The following PPP1R16B variants were observed in gnomAD, a reference collection of about 807,000 sequenced individuals.
PPP1R16B encodes protein phosphatase 1 regulatory subunit 16B.
Under a neutral mutation model 61.7 loss-of-function variants are expected in PPP1R16B, and 14 were observed. That is an observed-to-expected ratio of 0.23 (90% CI 0.15 to 0.35). The LOEUF (loss-of-function observed/expected upper bound fraction) is 0.35, where lower values mean the gene tolerates loss of function less well. Ranked by LOEUF, PPP1R16B falls within the 10% of genes least tolerant of loss-of-function variation. The pLI, the probability that PPP1R16B is intolerant of heterozygous loss-of-function variation, is 1.00. For missense variants in PPP1R16B, 547 were observed against 752.5 expected, an observed-to-expected ratio of 0.73 and a Z score of 3.19; for synonymous variants, 266 against 305.3, an observed-to-expected ratio of 0.87 and a Z score of 1.34.
intron 10 of PPP1R16B, among the ~76,000 whole-genome samples, chr20:38,908,558 A>G (rs892867347): frequency 6.6e-6 from 1 of 152,248 alleles, no homozygotes; most frequent in Admixed American, 6.5e-5. Flanking sequence ...GCAGTCACCC[A>G]GGAGCTGAGG....
Position 38,857,674 on chromosome 20 carries a change from T to C in PPP1R16B, c.250+21499T>C, listed in dbSNP as rs150936580. Among the ~76,000 whole-genome samples the C allele has an allele frequency of 5.9e-5, 9 of 152,340 alleles. No homozygotes were observed. The East Asian group carries it at 1.7e-3, about 29-fold the overall frequency. On this transcript the variant is annotated intron_variant, in intron 2 of 10. Coordinates refer to ENST00000299824, the MANE Select transcript of PPP1R16B (RefSeq NM_015568.4). Reference sequence around the variant, plus strand: ...TATATTTAAAGCCCACACAACTCCGTAGATTTCTTAAAGCTCCATTTTTGG... The same window carrying C: ...TATATTTAAAGCCCACACAACTCCGCAGATTTCTTAAAGCTCCATTTTTGG...
intron 1 of PPP1R16B, among the ~76,000 whole-genome samples, chr20:38,807,129 C>T (rs977069462): frequency 2.0e-5 from 3 of 152,214 alleles, no homozygotes; most frequent in Non-Finnish European, 2.9e-5. Context: ...CTGCCGATGG[C>T]GGCCTCAGTC....
chr20:38,844,003 A>T (rs2084923330), intron 2 of PPP1R16B, among the ~76,000 whole-genome samples: 1 of 152,244 alleles, frequency 6.6e-6, no homozygotes, highest in Non-Finnish European at 1.5e-5. Flanking sequence ...TCTAAACTCA[A>T]CAAGTAGTAG....
At chr20:38,901,368 T>A (rs1278258336) in intron 5 of PPP1R16B, among the ~76,000 whole-genome samples, 1 of 152,208 alleles carries the variant, frequency 6.6e-6, no homozygotes, top group Non-Finnish European at 1.5e-5. Flanking sequence ...TTCTTAACCA[T>A]TTTTGTGCCA....
At chr20:38,883,540 C>T (rs550323668) in intron 2 of PPP1R16B, among the ~76,000 whole-genome samples, 3 of 152,302 alleles carry the variant, frequency 2.0e-5, no homozygotes, top group South Asian at 2.1e-4. Context: ...AGCAGGGATA[C>T]GTGAGTGAGG....
chr20:38,816,755 T>C (rs2084738312), intron 1 of PPP1R16B, among the ~76,000 whole-genome samples: 1 of 152,152 alleles, frequency 6.6e-6, no homozygotes, highest in African/African-American at 2.4e-5. Flanking sequence ...AGCAGCGATA[T>C]ATAGAGCCAA....
chr20:38,834,033 T>G (rs2084853842), intron 1 of PPP1R16B, among the ~76,000 whole-genome samples: 1 of 152,218 alleles, frequency 6.6e-6, no homozygotes. Flanking sequence ...CTGCCATTCT[T>G]TCCTGTTACC....
At position 38,906,046 on chromosome 20, in the gene PPP1R16B, G is replaced by A. The variant is rs2085439011; in HGVS notation, c.774G>A (p.Lys258=). ...LLDHGVRVDV[K]DWDGWEPLHA... The stretch of plus-strand genomic sequence containing the variant: ...ACCATGGAGTGCGTGTGGATGTGAA[G>A]GACTGGGATGGCTGGGAGCCCCTGC... The change falls in exon 7 of 11, where the codon AAG becomes AAA. Residue 258 remains lysine (K), a synonymous_variant. Coordinates refer to ENST00000299824, the MANE Select transcript of PPP1R16B (RefSeq NM_015568.4). 1 of 1,613,686 alleles carries A rather than the reference G, an allele frequency of 6.2e-7. No individual in the cohort carries two copies. The highest frequency in any genetic ancestry group is 8.5e-7 in the Non-Finnish European group (1 of 1,179,940).
chr20:38,865,568 GGCGTGA>G (rs1269873360), intron 2 of PPP1R16B, among the ~76,000 whole-genome samples: 1 of 152,176 alleles, frequency 6.6e-6, no homozygotes, highest in Non-Finnish European at 1.5e-5. Flanking sequence ...TGGGATTACA[GGCGTGA>G]GCCGCCGCGC....
chr20:38,853,031 CA>C (rs2084980124), intron 2 of PPP1R16B, among the ~76,000 whole-genome samples: 1 of 152,056 alleles, frequency 6.6e-6, no homozygotes, highest in Non-Finnish European at 1.5e-5. Context: ...CTCGGTCTCC[CA>C]AAGTGCTGGA....
intron 2 of PPP1R16B, among the ~76,000 whole-genome samples, chr20:38,853,964 C>A (rs1215521374): frequency 6.6e-6 from 1 of 152,212 alleles, no homozygotes; most frequent in Non-Finnish European, 1.5e-5. Flanking sequence ...ATCACGTGGC[C>A]AAGCTCAGAG....
chr20:38,856,146 A>G (rs556026657), intron 2 of PPP1R16B, among the ~76,000 whole-genome samples: 2 of 151,724 alleles, frequency 1.3e-5, no homozygotes, highest in South Asian at 4.2e-4. Context: ...GTGACAGAGA[A>G]TTGGATAATG....
intron 2 of PPP1R16B, among the ~76,000 whole-genome samples, chr20:38,866,841 C>T (rs1184942809): frequency 6.6e-6 from 1 of 152,202 alleles, no homozygotes; most frequent in African/African-American, 2.4e-5. Flanking sequence ...CAAAGCTGTA[C>T]AGTCATCACC....
chr20:38,840,533 C>G (rs545797657), intron 2 of PPP1R16B, among the ~76,000 whole-genome samples: 1 of 152,308 alleles, frequency 6.6e-6, no homozygotes, highest in South Asian at 2.1e-4. Context: ...TATCTTACCT[C>G]CACACCTTTG....
intron 10 of PPP1R16B, among the ~76,000 whole-genome samples, chr20:38,911,842 T>C (rs1238071888): frequency 6.6e-6 from 1 of 152,170 alleles, no homozygotes; most frequent in Non-Finnish European, 1.5e-5. Context: ...TGGCCTCCAT[T>C]CTCCTTTTGG....
intron 6 of PPP1R16B, among the ~76,000 whole-genome samples, chr20:38,903,971 C>T (rs922291211): frequency 6.6e-6 from 1 of 152,202 alleles, no homozygotes; most frequent in African/African-American, 2.4e-5. Flanking sequence ...TCAGCAGTCT[C>T]GGGATCTCGA....
intron 1 of PPP1R16B, among the ~76,000 whole-genome samples, chr20:38,813,356 C>T (rs2084713515): frequency 6.6e-6 from 1 of 152,230 alleles, no homozygotes; most frequent in Non-Finnish European, 1.5e-5. Flanking sequence ...GATGCCTGGG[C>T]CTTAGCCCAG....
intron 6 of PPP1R16B, 133 bp from the exon 7 acceptor site, chr20:38,905,836 G>A (rs908141278): frequency 1.1e-6 from 1 of 886,790 alleles, no homozygotes; most frequent in Admixed American, 2.8e-5. Flanking sequence ...AATGTGACTG[G>A]TATTTCCATT....
chr20:38,869,786 G>C (rs1269336104), intron 2 of PPP1R16B, among the ~76,000 whole-genome samples: 1 of 151,994 alleles, frequency 6.6e-6, no homozygotes, highest in Non-Finnish European at 1.5e-5. Context: ...TATTAAAGGG[G>C]AAGATAGGAT....
Sources: allele counts gnomAD v4.1 joint callset (sites outside exome capture counted in the v4.1 genomes callset), GRCh38; gene constraint gnomAD v4.1.1; transcripts MANE v1.5; gene names NCBI Gene and HGNC (gene_info 2026-07-23, HGNC 2026-07-21).